Variants in COL2A1 observed in about 807,000 individuals in gnomAD.
The protein encoded by COL2A1 is collagen type II alpha 1 chain.
COL2A1 carries 28 observed loss-of-function variants against 204.5 expected under a neutral mutation model. That is an observed-to-expected ratio of 0.14 (90% CI 0.10 to 0.19). The LOEUF (loss-of-function observed/expected upper bound fraction) is 0.19, where lower values mean the gene tolerates loss of function less well. Ranked by LOEUF, COL2A1 falls within the 10% of genes least tolerant of loss-of-function variation. The pLI, the probability that COL2A1 is intolerant of heterozygous loss-of-function variation, is 1.00. For missense variants in COL2A1, 1,388 were observed against 2,027.5 expected (o/e 0.68, Z 6.06); for synonymous variants, 708 against 718.7 (o/e 0.99, Z 0.24).
chr12:47,994,309 G>A, intron 12 of COL2A1, 115 bp downstream of exon 12: 1 of 1,132,788 alleles, frequency 8.8e-7, no homozygotes, highest in Non-Finnish European at 1.3e-6. Flanking sequence ...TAAATATAGG[G>A]GCTACTGGCG....
In COL2A1 at chr12:47,980,111, G is replaced by T; in HGVS notation, c.2626-49C>A. On this transcript the variant is annotated intron_variant, in intron 39 of 53. Coordinates refer to ENST00000380518, the MANE Select transcript of COL2A1 (RefSeq NM_001844.5). The surrounding 1 kb of genome is among the most constrained non-coding windows in gnomAD (Gnocchi z 4.5). ...TGAGGCCCAGTGGCCCAAGGAAGAC[G>T]GTGGGCTTCTGTCTGAGCCCCAACA... is the stretch of plus-strand genomic sequence containing the variant. The T allele has an allele frequency of 2.7e-6, 4 of 1,480,598 alleles. No individual in the cohort carries two copies. The South Asian group carries it at 3.6e-5, about 13-fold the overall frequency. 91.7% of individuals were successfully genotyped at this position (1,480,598 alleles called of 1,614,324 possible). A position where few individuals can be genotyped will look rare whatever the true frequency, so the allele number is the denominator to read the frequency against.
At chr12:47,974,933 C>A in intron 51 of COL2A1, 71 bp from the exon 52 acceptor site, 1 of 1,499,228 alleles carries the variant, frequency 6.7e-7, no homozygotes, top group South Asian at 1.3e-5. Flanking sequence ...GAGACCCAGG[C>A]CTGACTGAAA....
In COL2A1 at chr12:47,978,304, A is replaced by C. The variant is rs1565671608; in HGVS notation, c.2990T>G (p.Leu997Trp). ...GQRGERGFPG[L>W]PGPSGEPGKQ... ...CCCCACACTCACCGACGGGCCAGGCAAGCCAGGGAATCCTCTCTCACCACG... is the reference window on the plus strand; with the variant it reads ...CCCCACACTCACCGACGGGCCAGGCCAGCCAGGGAATCCTCTCTCACCACG... Residue 997 changes from leucine (L) to tryptophan (W), a missense_variant, in exon 43 of 54, where the codon TTG becomes TGG. This residue lies in a region of COL2A1 where 884 missense variants were observed against 1,415.8 expected (regional missense o/e 0.62). Coordinates refer to ENST00000380518, the MANE Select transcript of COL2A1 (RefSeq NM_001844.5). This position sits in a 1 kb window ranked among gnomAD's most constrained non-coding sequence, Gnocchi z 5.5. 1 of 1,613,982 alleles carries C rather than the reference A, an allele frequency of 6.2e-7. No individual in the cohort carries two copies. Among genetic ancestry groups the C allele is most frequent in the Non-Finnish European group, 8.5e-7 (1 of 1,180,012 alleles).
chr12:48,004,778 G>A (rs1382637362), upstream of COL2A1, among the ~76,000 whole-genome samples: 2 of 152,214 alleles, frequency 1.3e-5, no homozygotes, highest in Admixed American at 6.5e-5. Flanking sequence ...CCACAGGCGG[G>A]AAGGGTGGCC....
At chr12:47,995,456 G>T in intron 10 of COL2A1, 148 bp from the exon 11 acceptor site, 1 of 835,750 alleles carries the variant, frequency 1.2e-6, no homozygotes, top group Non-Finnish European at 2.1e-6. Context: ...AGAGATCATA[G>T]TGGGACGCAG....
intron 1 of COL2A1, among the ~76,000 whole-genome samples, chr12:48,003,553 C>T (rs926991915): frequency 2.0e-5 from 3 of 152,056 alleles, no homozygotes; most frequent in Non-Finnish European, 2.9e-5. Context: ...GAGGCGCAGG[C>T]GGACGGAGGG....
rs1055460503 is a variant in COL2A1 at position 47,980,717 on chromosome 12, CT to C, written c.2518-57del. The C allele has an allele frequency of 6.6e-5, 102 of 1,544,990 alleles. No individual in the cohort carries two copies. In the African/African-American group the frequency reaches 1.3e-3, roughly 20 times the overall value. On this transcript the variant is annotated intron_variant, in intron 38 of 53. Transcript: ENST00000380518. This position sits in a 1 kb window ranked among gnomAD's most constrained non-coding sequence, Gnocchi z 4.5. ...AGGGGCAGGCTAAAACCCTGGAGCT[CT>C]TCCAGAAGAGCAGGAGACTCTGTGA...
chr12:48,001,024 C>T (rs1195094636), intron 1 of COL2A1: 4 of 152,294 alleles, frequency 2.6e-5, no homozygotes, highest in Non-Finnish European at 4.4e-5. Context: ...GCCTGGCCTC[C>T]TCCAAGACTG....
In COL2A1 at chr12:47,982,169, AG is replaced by A. The variant is rs1183081521; in HGVS notation, c.2302-10del. On this transcript the variant is annotated splice_polypyrimidine_tract_variant and intron_variant, in intron 34 of 53. Coordinates refer to ENST00000380518, the MANE Select transcript of COL2A1 (RefSeq NM_001844.5). ...TTCTCACCAACGTCACCCTGAGGGA[AG>A]AGAAAACCAGCCGCCTCAGCCAGGC... 9 of 1,613,320 alleles carry A rather than the reference AG, an allele frequency of 5.6e-6. No individual in the cohort carries two copies. The Middle Eastern group carries it at 9.9e-4, about 178-fold the overall frequency.
At chr12:47,985,471 T>G in intron 26 of COL2A1, 63 bp downstream of exon 26, 1 of 1,551,112 alleles carries the variant, frequency 6.4e-7, no homozygotes, top group African/African-American at 1.4e-5. Context: ...CCATCTCTCT[T>G]TTCCCTTGCT....
intron 52 of COL2A1, among the ~76,000 whole-genome samples, 170 bp from the exon 53 acceptor site, chr12:47,974,501 C>A (rs1330770050): frequency 2.0e-5 from 3 of 152,126 alleles, no homozygotes; most frequent in African/African-American, 7.2e-5. Context: ...CAGAGGACCT[C>A]TTTTCCCACC....
chr12:47,992,863 T>G lies in COL2A1; in HGVS notation c.1023+15A>C, dbSNP rs745555906. The G allele has an allele frequency of 6.2e-7, 1 of 1,614,038 alleles. No homozygotes were observed. Among genetic ancestry groups the G allele is most frequent in the African/African-American group, 1.3e-5 (1 of 75,026 alleles). ...GCTCGGCAAATGGTGGTGTTTGGCT[T>G]TGTCAATTACTCACCGCAGCGCCAG... On this transcript the variant is annotated intron_variant, in intron 16 of 53. Coordinates refer to ENST00000380518, the MANE Select transcript of COL2A1 (RefSeq NM_001844.5).
intron 22 of COL2A1, 107 bp from the exon 23 acceptor site, chr12:47,986,550 G>A (rs566963881): frequency 3.2e-5 from 25 of 780,056 alleles, no homozygotes; most frequent in South Asian, 2.0e-4. Context: ...TTCAGGGCTG[G>A]GGGGGGGCTT....
chr12:47,987,323 G>T lies in COL2A1; in HGVS notation c.1222-10C>A, dbSNP rs762828355. ...CTGTTCCAGGGTTACCCTGAAAAGG[G>T]AGACATTGTCAAATAAGCAGCAAAG... On this transcript the variant is annotated splice_polypyrimidine_tract_variant and intron_variant, in intron 19 of 53. Transcript: ENST00000380518. The surrounding 1 kb of genome is among the most constrained non-coding windows in gnomAD (Gnocchi z 4.1). The T allele has an allele frequency of 1.9e-6, 3 of 1,614,008 alleles. No individual in the cohort carries two copies. The East Asian group carries it at 6.7e-5, about 36-fold the overall frequency.
rs1164990718 is a variant in COL2A1, at chr12:47,999,962, T to C, written c.249A>G (p.Gly83=). ...CAGTTGGGCAGATGGGGCAGCACTC[T>C]CCGAAGGGGATCTCAGGGCTGAGGC... The part of the protein sequence containing the change: ...KDCLSPEIPF[G]ECCPICPTDL... Residue 83 remains glycine, a synonymous_variant, in exon 2 of 54, where the codon GGA becomes GGG. Transcript: ENST00000380518. 6.2e-7 allele frequency: 1 copy of C among 1,614,220 alleles called. No homozygotes were observed.
chr12:48,001,734 G>A (rs1940245258), intron 1 of COL2A1, among the ~76,000 whole-genome samples: 1 of 152,304 alleles, frequency 6.6e-6, no homozygotes, highest in South Asian at 2.1e-4. Context: ...AGAGTGAAAA[G>A]TGGGATTAAA....
In COL2A1 at chr12:47,974,608, G is replaced by T. The variant is rs1938601047; in HGVS notation, c.4074+67C>A. 7 of 1,561,520 alleles carry T rather than the reference G, an allele frequency of 4.5e-6. No homozygotes were observed. In the Admixed American group the frequency reaches 1.0e-4, roughly 22 times the overall value. Reference sequence around the variant, plus strand: ...ATGGGGAAGGTGCTAAAAGCTTCCAGGGAGAAAGAAAAGAAAGAGTTTGAG... The same window carrying T: ...ATGGGGAAGGTGCTAAAAGCTTCCATGGAGAAAGAAAAGAAAGAGTTTGAG... On this transcript the variant is annotated intron_variant, in intron 52 of 53. Transcript: ENST00000380518.
chr12:47,983,294 G>T (rs1939198800), intron 31 of COL2A1, 91 bp downstream of exon 31: 7 of 1,499,808 alleles, frequency 4.7e-6, no homozygotes. Context: ...GCCTCACAGG[G>T]CTCCTCATGC....
rs1395676855 is a variant in COL2A1, at chr12:47,989,233, C to A, written c.1117G>T (p.Ala373Ser). ...CTGGACAACAGGGCACGTACCTTGG[C>A]TCCAGGAGCACCAGGGAAGCCAGGA... Reference protein sequence around the residue: ...GGPGFPGAPGAKGEAGPTGAR... With the variant: ...GGPGFPGAPGSKGEAGPTGAR... The change falls in exon 18 of 54, where the codon GCC becomes TCC. Residue 373 changes from alanine (A) to serine (S), a missense_variant. Coordinates refer to ENST00000380518, the MANE Select transcript of COL2A1 (RefSeq NM_001844.5). 6.2e-7 allele frequency: 1 copy of A among 1,612,386 alleles called. No individual in the cohort carries two copies. The highest frequency in any genetic ancestry group is 1.7e-5 in the Admixed American group (1 of 59,846).
Sources: gnomAD v4.1 joint callset for allele counts (sites outside exome capture counted in the v4.1 genomes callset) on GRCh38, gnomAD v4.1.1 for gene constraint, gnomAD v4.1.1 regional missense constraint, Gnocchi (gnomAD v3.1) non-coding constraint, MANE v1.5 for transcripts, NCBI Gene and HGNC (gene_info 2026-07-23, HGNC 2026-07-21) for gene names.